Variants in TNFRSF11A observed in about 807,000 individuals in gnomAD.
TNFRSF11A encodes tumor necrosis factor receptor superfamily member 11A.
A neutral mutation model predicts 55.7 loss-of-function variants in TNFRSF11A; 32 were observed. The observed-to-expected ratio is 0.57, with a 90% CI of 0.43 to 0.77. TNFRSF11A has a LOEUF of 0.77. Ranked by LOEUF, TNFRSF11A falls within the 30% of genes least tolerant of loss-of-function variation. The pLI is 0.00. For missense variants in TNFRSF11A, 753 were observed against 809.8 expected (o/e 0.93, Z 0.85); for synonymous variants, 311 against 331.0 (o/e 0.94, Z 0.65).
Position 62,384,936 on chromosome 18 carries a change from G to C in TNFRSF11A, c.1753G>C (p.Gly585Arg). 1 of 1,543,334 alleles carries C rather than the reference G, an allele frequency of 6.5e-7. No homozygotes were observed. The highest frequency in any genetic ancestry group is 8.7e-7 in the Non-Finnish European group (1 of 1,146,526). The change falls in exon 10 of 10, where the codon GGC becomes CGC. Residue 585 changes from glycine (G) to arginine (R), a missense_variant. Physicochemically the swap from Gly to Arg is moderately radical, Grantham distance 125. This residue lies in a region of TNFRSF11A where 567 missense variants were observed against 596.7 expected (regional missense o/e 0.95). Coordinates refer to ENST00000586569, the MANE Select transcript of TNFRSF11A (RefSeq NM_003839.4). The stretch of plus-strand genomic sequence containing the variant: ...GCGCCGAGACTCCTTCGCGGGGAAC[G>C]GCCCGCGCTTCCCGGACCCGTGCGG... ...LARRDSFAGN[G>R]PRFPDPCGGP...
chr18:62,325,517 T>C lies in TNFRSF11A; in HGVS notation c.75+90T>C. 2 of 865,414 alleles carry C rather than the reference T, an allele frequency of 2.3e-6. No individual in the cohort carries two copies. The highest frequency in any genetic ancestry group is 6.1e-5 in the East Asian group (1 of 16,512). The allele number at this position is 865,414 out of a possible 1,614,324, so 53.6% of individuals were successfully genotyped here. ...CCGGGGCCGGCGGCATCCTGGCTCC[T>C]CCGCCTTCCGAGAGGAGCCGGAGTT... is the stretch of plus-strand genomic sequence containing the variant. On this transcript the variant is annotated intron_variant, in intron 1 of 9. Coordinates refer to ENST00000586569, the MANE Select transcript of TNFRSF11A (RefSeq NM_003839.4). The surrounding 1 kb of genome is among the most constrained non-coding windows in gnomAD (Gnocchi z 4.7).
intron 9 of TNFRSF11A, among the ~76,000 whole-genome samples, chr18:62,371,823 G>A (rs912081456): frequency 5.3e-5 from 8 of 152,152 alleles, no homozygotes; most frequent in South Asian, 2.1e-4. Context: ...TATAAAATGC[G>A]TGAAAGAGGC....
chr18:62,337,369 A>G (rs1215707479), intron 1 of TNFRSF11A, among the ~76,000 whole-genome samples: 1 of 152,200 alleles, frequency 6.6e-6, no homozygotes, highest in African/African-American at 2.4e-5. Context: ...TTAAACCTTT[A>G]TGGGGTAATG....
intron 9 of TNFRSF11A, among the ~76,000 whole-genome samples, chr18:62,369,815 G>A (rs932713219): frequency 2.0e-5 from 3 of 152,120 alleles, no homozygotes; most frequent in Non-Finnish European, 1.5e-5. Context: ...AGTCAACATC[G>A]GCGTCAGGAC....
chr18:62,374,501 G>A lies in TNFRSF11A; in HGVS notation c.1567+5017G>A, dbSNP rs534032048. 3.9e-5 allele frequency among the ~76,000 whole-genome samples: 6 copies of A among 152,260 alleles called. No homozygotes were observed. In the South Asian group the frequency reaches 1.2e-3, roughly 32 times the overall value. ...GCCTGGGTAGTTTGAGTGTATTTGTGTATATTTTTAGTTCTCTTCCTTGGA... is the reference window on the plus strand; with the variant it reads ...GCCTGGGTAGTTTGAGTGTATTTGTATATATTTTTAGTTCTCTTCCTTGGA... On this transcript the variant is annotated intron_variant, in intron 9 of 9. Coordinates refer to ENST00000586569, the MANE Select transcript of TNFRSF11A (RefSeq NM_003839.4).
intron 3 of TNFRSF11A, 95 bp downstream of exon 3, chr18:62,350,032 G>T: frequency 2.6e-6 from 4 of 1,544,356 alleles, no homozygotes; most frequent in Non-Finnish European, 3.5e-6. Context: ...ATGATGTTTC[G>T]TTTCAGGAAC....
chr18:62,381,080 A>G (rs1911255368), intron 9 of TNFRSF11A, among the ~76,000 whole-genome samples: 1 of 152,194 alleles, frequency 6.6e-6, no homozygotes, highest in South Asian at 2.1e-4. Context: ...CCAGGATTAC[A>G]GGTGTCAGCC....
chr18:62,354,398 C>T lies in TNFRSF11A; in HGVS notation c.291C>T (p.Ala97=), dbSNP rs1009471760. ...LLHKVCDTGK[A]LVAVVAGNST... is the part of the protein sequence containing the mutation. ...GTCTCTTGTCTCCCGCAGGCAAGGC[C>T]CTGGTGGCCGTGGTCGCCGGCAACA... Residue 97 remains alanine, a synonymous_variant, in exon 4 of 10, where the codon GCC becomes GCT. Coordinates refer to ENST00000586569, the MANE Select transcript of TNFRSF11A (RefSeq NM_003839.4). The T allele has an allele frequency of 6.3e-7, 1 of 1,581,902 alleles. No individual in the cohort carries two copies. Among genetic ancestry groups the T allele is most frequent in the Non-Finnish European group, 8.6e-7 (1 of 1,169,452 alleles).
chr18:62,379,283 GAC>G (rs926252163), intron 9 of TNFRSF11A, among the ~76,000 whole-genome samples: 1 of 152,150 alleles, frequency 6.6e-6, no homozygotes, highest in Non-Finnish European at 1.5e-5. Flanking sequence ...CCAGGAAGCT[GAC>G]TGAAGCCCAT....
At chr18:62,351,981 G>C (rs974835974) in intron 3 of TNFRSF11A, among the ~76,000 whole-genome samples, 2 of 152,170 alleles carry the variant, frequency 1.3e-5, no homozygotes, top group African/African-American at 4.8e-5. Context: ...ATTTTTAGTA[G>C]AGAGGGCGTT....
intron 1 of TNFRSF11A, among the ~76,000 whole-genome samples, chr18:62,337,813 A>T (rs7239261): frequency 2.0e-5 from 3 of 151,974 alleles, no homozygotes; most frequent in Non-Finnish European, 2.9e-5. Context: ...AGTTCTATCC[A>T]CTGTATCCAG....
At chr18:62,382,805 T>C (rs1324289356) in intron 9 of TNFRSF11A, among the ~76,000 whole-genome samples, 1 of 142,186 alleles carries the variant, frequency 7.0e-6, no homozygotes, top group South Asian at 2.2e-4. Context: ...TATGTTTGTT[T>C]GTTTGTTTGT....
At chr18:62,358,596 T>G (rs1480263309) in intron 5 of TNFRSF11A, among the ~76,000 whole-genome samples, 1 of 152,262 alleles carries the variant, frequency 6.6e-6, no homozygotes, top group African/African-American at 2.4e-5. Flanking sequence ...TTGCAGCTTT[T>G]TCTAACCTTG....
rs754481352 is a variant in TNFRSF11A, at chr18:62,369,102, C to G, written c.1185C>G (p.Ser395Arg). 5 of 1,614,078 alleles carry G rather than the reference C, an allele frequency of 3.1e-6. No homozygotes were observed. The Admixed American group carries it at 8.3e-5, about 27-fold the overall frequency. ...GCCAGTGCTTCACGGGGACACAGAG[C>G]ACAGTGGGTTCAGAAAGCTGCAACT... Reference protein sequence around the residue: ...SLSQCFTGTQSTVGSESCNCT... With the variant: ...SLSQCFTGTQRTVGSESCNCT... Residue 395 changes from serine (S) to arginine (R), a missense_variant, in exon 9 of 10, where the codon AGC (serine) becomes AGG (arginine). Coordinates refer to ENST00000586569, the MANE Select transcript of TNFRSF11A (RefSeq NM_003839.4).
chr18:62,341,709 C>T (rs1046883741), intron 1 of TNFRSF11A, among the ~76,000 whole-genome samples: 17 of 152,146 alleles, frequency 1.1e-4, no homozygotes, highest in African/African-American at 4.1e-4. Context: ...TGTGTTTGTG[C>T]AGTCTGGCCG....
intron 1 of TNFRSF11A, among the ~76,000 whole-genome samples, chr18:62,333,618 A>G (rs780640971): frequency 1.3e-5 from 2 of 152,220 alleles, no homozygotes; most frequent in Admixed American, 1.3e-4. Flanking sequence ...CTGAGTTTGC[A>G]CAGCTAGTGA....
intron 9 of TNFRSF11A, among the ~76,000 whole-genome samples, chr18:62,382,861 T>C (rs1911391497): frequency 6.6e-6 from 1 of 152,240 alleles, no homozygotes; most frequent in Non-Finnish European, 1.5e-5. Context: ...ACTTTAGTTT[T>C]CATAGAAACA....
Position 62,383,671 on chromosome 18 carries a change from T to G in TNFRSF11A, c.1568-1080T>G, listed in dbSNP as rs1442569725. Among the ~76,000 whole-genome samples the G allele has an allele frequency of 6.6e-6, 1 of 152,118 alleles. No individual in the cohort carries two copies. The highest frequency in any genetic ancestry group is 2.4e-5 in the African/African-American group (1 of 41,406). On this transcript the variant is annotated intron_variant, in intron 9 of 9. Transcript: ENST00000586569. The surrounding 1 kb of genome is among the most constrained non-coding windows in gnomAD (Gnocchi z 4.2). ...AAGAGCTAGCAGGTTGCCTAACATT[T>G]GTTGGACTTTGTTTGTTTTTCAAAA...
chr18:62,354,624 C>T (rs1468914075), intron 4 of TNFRSF11A, 90 bp downstream of exon 4: 1 of 1,577,498 alleles, frequency 6.3e-7, no homozygotes, highest in Non-Finnish European at 8.6e-7. Flanking sequence ...CAAGAAAGCT[C>T]CAGGGTGCTA....
Sources: allele counts gnomAD v4.1 joint callset (sites outside exome capture counted in the v4.1 genomes callset), GRCh38; gene constraint gnomAD v4.1.1; regional missense constraint gnomAD v4.1.1; non-coding constraint Gnocchi (gnomAD v3.1); transcripts MANE v1.5; gene names NCBI Gene and HGNC (gene_info 2026-07-23, HGNC 2026-07-21).